PFKFB3: variants seen among roughly 807,000 people sequenced by gnomAD.
PFKFB3 encodes the protein 6-phosphofructo-2-kinase/fructose-2,6-bisphosphatase 3.
PFKFB3 carries 33 observed loss-of-function variants against 68.0 expected under a neutral mutation model. The ratio of observed to expected loss-of-function variants is 0.49; its 90% CI spans 0.37 to 0.65. The LOEUF is 0.65. Among genes scored for constraint, PFKFB3 ranks in the 30% least tolerant of loss-of-function variants. The probability of loss-of-function intolerance (pLI) is 0.00; values close to 1 mark genes in which losing one functional copy is unlikely to be tolerated. For missense variants in PFKFB3, 586 were observed against 712.2 expected, an observed-to-expected ratio of 0.82 and a Z score of 2.02; for synonymous variants, 315 against 288.2, an observed-to-expected ratio of 1.09 and a Z score of -0.94.
intron 1 of PFKFB3, among the ~76,000 whole-genome samples, chr10:6,149,051 C>A (rs925979126): frequency 2.0e-5 from 3 of 152,152 alleles, no homozygotes; most frequent in African/African-American, 7.2e-5. Context: ...TGCACTCCAG[C>A]CTGAGTGACA....
At chr10:6,166,821 C>CTTTTTTTTTTTTTTTTTTTTTTT (rs144747290) in intron 1 of PFKFB3, among the ~76,000 whole-genome samples, 1 of 95,274 alleles carries the variant, frequency 1.0e-5, no homozygotes. Flanking sequence ...CCTTCTTCTT[C>CTTTTTTTTTTTTTTTTTTTTTTT]TTTTTTTTTT....
At chr10:6,179,619 A>G (rs1842648131) in intron 1 of PFKFB3, among the ~76,000 whole-genome samples, 2 of 152,110 alleles carry the variant, frequency 1.3e-5, no homozygotes, top group Non-Finnish European at 2.9e-5. Context: ...GCCCAGGAGG[A>G]CTGCAGGCAA....
downstream of PFKFB3, among the ~76,000 whole-genome samples, chr10:6,255,312 T>C (rs1846479628): frequency 6.6e-6 from 1 of 150,450 alleles, no homozygotes; most frequent in Non-Finnish European, 1.5e-5. Flanking sequence ...TTAGTAGAGA[T>C]GGGGTTTCTC....
the PFKFB3 span, among the ~76,000 whole-genome samples, chr10:6,263,160 A>G: frequency 6.6e-6 from 1 of 152,224 alleles, no homozygotes; most frequent in East Asian, 1.9e-4. Flanking sequence ...CATTGTTTCT[A>G]TAGATATTAA....
intron 1 of PFKFB3, among the ~76,000 whole-genome samples, chr10:6,184,285 T>C (rs117177580): frequency 0.04 from 6,043 of 151,958 alleles, 172 homozygotes; most frequent in Non-Finnish European, 0.06. Flanking sequence ...GCTTCTGACC[T>C]CAGGTGATCT....
intron 10 of PFKFB3, 138 bp from the exon 11 acceptor site, chr10:6,222,717 C>A: frequency 1.1e-6 from 1 of 929,358 alleles, no homozygotes; most frequent in Non-Finnish European, 1.6e-6. Context: ...ACGTTAAACC[C>A]TGCTCCTTCT....
At chr10:6,249,191 A>G (rs868682439) in intron 14 of PFKFB3, among the ~76,000 whole-genome samples, 216 of 151,186 alleles carry the variant, frequency 1.4e-3, no homozygotes, top group African/African-American at 5.1e-3. Context: ...AAAAAAAAAA[A>G]AAAAAAAAAA....
At position 6,178,586 on chromosome 10, in the gene PFKFB3, C is replaced by T. The variant is rs1326589843; in HGVS notation, c.16+33573C>T. Among the ~76,000 whole-genome samples the T allele has an allele frequency of 3.3e-5, 5 of 152,152 alleles. 1 individual carries two copies. The highest frequency in any genetic ancestry group is 4.1e-4 in the South Asian group (2 of 4,832). On this transcript the variant is annotated intron_variant, in intron 1 of 14. Coordinates refer to the PFKFB3 transcript ENST00000379789. ...GAGAGCTTCCGGGATGGACAGAGTC[C>T]GCCCCACGGGTCCCTCCTGCCCTCC...
chr10:6,231,608 C>T (rs976967304), intron 14 of PFKFB3: 15 of 984,252 alleles, frequency 1.5e-5, no homozygotes, highest in Non-Finnish European at 1.7e-5. Flanking sequence ...GTGTTGAGGA[C>T]AGGTTGGAGC....
intron 1 of PFKFB3, among the ~76,000 whole-genome samples, chr10:6,195,905 TG>T (rs1286944371): frequency 2.0e-5 from 3 of 152,244 alleles, no homozygotes; most frequent in Non-Finnish European, 4.4e-5. Flanking sequence ...CACTACTTAA[TG>T]TGGCAAGGTT....
In PFKFB3 at chr10:6,226,119, C is replaced by T. The variant is rs959537465; in HGVS notation, c.1342-73C>T. On this transcript the variant is annotated intron_variant, in intron 13 of 14. Coordinates refer to ENST00000379775, the MANE Select transcript of PFKFB3 (RefSeq NM_004566.4). ...TCTCTAAAATCCAGGAGCAGAGAAA[C>T]TTTTTTGGGGCTAATTTTCCTCCCC... 7 of 1,394,496 alleles carry T rather than the reference C, an allele frequency of 5.0e-6. No individual in the cohort carries two copies. The African/African-American group carries it at 1.0e-4, about 21-fold the overall frequency. The allele number at this position is 1,394,496 out of a possible 1,614,324, so 86.4% of individuals were successfully genotyped here. A position where few individuals can be genotyped will look rare whatever the true frequency, so the allele number is the denominator to read the frequency against.
At chr10:6,200,683 T>TGGGGGGG (rs1564613510), upstream of PFKFB3, among the ~76,000 whole-genome samples, 3 of 9,644 alleles carry the variant, frequency 3.1e-4, no homozygotes, top group Admixed American at 9.1e-4. Flanking sequence ...GGGCGGGGGG[T>TGGGGGGG]GGTGGTGGGG....
intron 1 of PFKFB3, among the ~76,000 whole-genome samples, chr10:6,212,763 G>A (rs964294364): frequency 1.3e-5 from 2 of 152,182 alleles, no homozygotes; most frequent in African/African-American, 4.8e-5. Context: ...GCCTCCCAAA[G>A]GGCTGGGATC....
At chr10:6,230,801 C>T (rs1369978539) in intron 14 of PFKFB3, among the ~76,000 whole-genome samples, 1 of 151,916 alleles carries the variant, frequency 6.6e-6, no homozygotes, top group East Asian at 1.9e-4. Flanking sequence ...CTGCAACCTC[C>T]TTCTCCCGGG....
chr10:6,146,674 T>C (rs997466746), intron 1 of PFKFB3, among the ~76,000 whole-genome samples: 1 of 152,246 alleles, frequency 6.6e-6, no homozygotes, highest in Non-Finnish European at 1.5e-5. Flanking sequence ...TCTGTTTACT[T>C]GTGCGCTCAG....
At chr10:6,260,574 T>C in the PFKFB3 span, among the ~76,000 whole-genome samples, 2 of 152,212 alleles carry the variant, frequency 1.3e-5, no homozygotes, top group Non-Finnish European at 2.9e-5. Context: ...TTTTACCATC[T>C]AAGCATGTAT....
At chr10:6,238,477 CAAAAAAAAAAAAA>C (rs71390201), downstream of PFKFB3, among the ~76,000 whole-genome samples, 46,727 of 91,316 alleles carry the variant, frequency 0.51, 9,662 homozygotes, top group Middle Eastern at 0.63. Context: ...GGTGCCATCT[CAAAAAAAAAAAAA>C]AAAAAAAAAA....
At chr10:6,195,958 C>T (rs1485736583) in intron 1 of PFKFB3, among the ~76,000 whole-genome samples, 2 of 152,120 alleles carry the variant, frequency 1.3e-5, no homozygotes, top group African/African-American at 2.4e-5. Flanking sequence ...CTACCCCTCC[C>T]CTTGTTTTCA....
At chr10:6,189,610 G>A (rs1386164472) in intron 1 of PFKFB3, among the ~76,000 whole-genome samples, 1 of 151,030 alleles carries the variant, frequency 6.6e-6, no homozygotes, top group East Asian at 1.9e-4. Context: ...CACCTCCCAG[G>A]TTCAAGCGAT....
Sources: allele counts gnomAD v4.1 joint callset (sites outside exome capture counted in the v4.1 genomes callset), GRCh38; gene constraint gnomAD v4.1.1; transcripts MANE v1.5; gene names NCBI Gene and HGNC (gene_info 2026-07-23, HGNC 2026-07-21).